Variants in DNAAF4 observed in about 807,000 individuals in gnomAD.
DNAAF4 encodes the protein dynein assembly factor 4, axonemal.
A neutral mutation model predicts 51.8 loss-of-function variants in DNAAF4; 43 were observed. That is an observed-to-expected ratio of 0.83 (90% confidence interval 0.65 to 1.07). DNAAF4 has a LOEUF of 1.07. Ranked by LOEUF, DNAAF4 falls within the 50% of genes least tolerant of loss-of-function variation. The pLI, the probability that DNAAF4 is intolerant of heterozygous loss-of-function variation, is 0.00. For synonymous variants in DNAAF4, 194 were observed against 165.6 expected, an observed-to-expected ratio of 1.17 and a Z score of -1.32; for missense variants, 581 against 493.0, an observed-to-expected ratio of 1.18 and a Z score of -1.69.
At chr15:55,480,548 C>T (rs73411010) in intron 4 of DNAAF4, among the ~76,000 whole-genome samples, 2,900 of 152,096 alleles carry the variant, frequency 0.019, 84 homozygotes, top group African/African-American at 0.063. Context: ...GCACTGCACA[C>T]TTGTTTACTT....
chr15:55,422,140 T>C (rs2057393872), intron 7 of DNAAF4, among the ~76,000 whole-genome samples: 1 of 151,990 alleles, frequency 6.6e-6, no homozygotes, highest in Non-Finnish European at 1.5e-5. Context: ...TATATATGGC[T>C]AGATGTATAG....
At chr15:55,487,684 C>T (rs1453997583) in intron 4 of DNAAF4, among the ~76,000 whole-genome samples, 1 of 151,938 alleles carries the variant, frequency 6.6e-6, no homozygotes, top group African/African-American at 2.4e-5. Context: ...GGACGCGCCA[C>T]CATTAAGAGC....
intron 3 of DNAAF4, among the ~76,000 whole-genome samples, chr15:55,496,503 G>A (rs2058643114): frequency 6.6e-6 from 1 of 152,118 alleles, no homozygotes; most frequent in Admixed American, 6.5e-5. Flanking sequence ...TATGTCAGTA[G>A]CCTCCCCTGT....
At chr15:55,500,589 C>T (rs773173151) in intron 1 of DNAAF4, among the ~76,000 whole-genome samples, 2 of 152,178 alleles carry the variant, frequency 1.3e-5, no homozygotes, top group Non-Finnish European at 2.9e-5. Flanking sequence ...TCAGGAAAAT[C>T]TGTTAGCAAT....
intron 6 of DNAAF4, among the ~76,000 whole-genome samples, chr15:55,449,055 T>C (rs2057889495): frequency 6.6e-6 from 1 of 150,872 alleles, no homozygotes; most frequent in African/African-American, 2.4e-5. Context: ...AATGGTGCAA[T>C]CTTGGCTCAT....
At chr15:55,470,521 T>G (rs1017444281) in intron 4 of DNAAF4, among the ~76,000 whole-genome samples, 2 of 150,778 alleles carry the variant, frequency 1.3e-5, no homozygotes, top group Non-Finnish European at 2.9e-5. Flanking sequence ...TTTATGGAGG[T>G]TTTATCTAGC....
chr15:55,449,785 A>G (rs1595908070), intron 6 of DNAAF4, among the ~76,000 whole-genome samples: 1 of 127,678 alleles, frequency 7.8e-6, no homozygotes, highest in Non-Finnish European at 1.6e-5. Context: ...TGCAACCTCC[A>G]CATCCCAAGT....
chr15:55,501,503 G>A (rs1310602923), intron 1 of DNAAF4, among the ~76,000 whole-genome samples: 1 of 149,834 alleles, frequency 6.7e-6, no homozygotes, highest in Non-Finnish European at 1.5e-5. Context: ...AGCCTCCCTA[G>A]TAGCTGGGAC....
chr15:55,504,841 C>A (rs1184620114), intron 1 of DNAAF4, among the ~76,000 whole-genome samples: 1 of 152,078 alleles, frequency 6.6e-6, no homozygotes, highest in Non-Finnish European at 1.5e-5. Flanking sequence ...TAGGCAATAC[C>A]ATTTAGGACA....
At chr15:55,420,649 T>G (rs2057381019) in intron 7 of DNAAF4, among the ~76,000 whole-genome samples, 1 of 152,142 alleles carries the variant, frequency 6.6e-6, no homozygotes, top group African/African-American at 2.4e-5. Context: ...AAATTAATTT[T>G]TTTCACTTCC....
chr15:55,501,218 G>A (rs1442851900), intron 1 of DNAAF4, among the ~76,000 whole-genome samples: 1 of 146,142 alleles, frequency 6.8e-6, no homozygotes, highest in African/African-American at 2.5e-5. Flanking sequence ...CATGCACCAC[G>A]AAGCCCAGCT....
At position 55,464,159 on chromosome 15, in the gene DNAAF4, A is replaced by T. The variant is rs116895692; in HGVS notation, c.637+2771T>A. Among the ~76,000 whole-genome samples, 1,313 of 152,234 alleles carry T rather than the reference A, an allele frequency of 8.6e-3. 48 individuals are homozygous for T. The highest frequency in any genetic ancestry group is 0.078 in the East Asian group (405 of 5,184). ...AGAACCCAGACATAAAGTCAAATACAGCCAACCAATCTTTGACAAAGCAAA... is the reference window on the plus strand; with the variant it reads ...AGAACCCAGACATAAAGTCAAATACTGCCAACCAATCTTTGACAAAGCAAA... On this transcript the variant is annotated intron_variant, in intron 5 of 9. Coordinates refer to ENST00000321149, the MANE Select transcript of DNAAF4 (RefSeq NM_130810.4).
intron 4 of DNAAF4, among the ~76,000 whole-genome samples, chr15:55,481,052 G>A (rs1220073684): frequency 6.6e-6 from 1 of 152,134 alleles, no homozygotes; most frequent in Non-Finnish European, 1.5e-5. Context: ...CTGCCACCCT[G>A]TTAAGAGGTG....
At chr15:55,465,355 T>A (rs1480968287) in intron 5 of DNAAF4, among the ~76,000 whole-genome samples, 1 of 150,590 alleles carries the variant, frequency 6.6e-6, no homozygotes, top group Non-Finnish European at 1.5e-5. Flanking sequence ...TAAATGCCTA[T>A]CAACTAATGA....
intron 4 of DNAAF4, among the ~76,000 whole-genome samples, chr15:55,479,573 TCTGA>T (rs199546176): frequency 0.015 from 2,273 of 152,170 alleles, 42 homozygotes; most frequent in African/African-American, 0.044. Context: ...AACCATAAGG[TCTGA>T]CTGTCTGTGG....
chr15:55,419,918 A>G (rs1226585618), intron 7 of DNAAF4, among the ~76,000 whole-genome samples: 1 of 151,978 alleles, frequency 6.6e-6, no homozygotes, highest in Non-Finnish European at 1.5e-5. Flanking sequence ...CAGGAGAATC[A>G]CTTGAACCTG....
At chr15:55,468,202 G>A (rs931459919) in intron 4 of DNAAF4, among the ~76,000 whole-genome samples, 1 of 152,144 alleles carries the variant, frequency 6.6e-6, no homozygotes, top group Non-Finnish European at 1.5e-5. Flanking sequence ...CTAGGATGAA[G>A]GTCCCTAAAT....
At chr15:55,473,369 G>GTATATATATATA (rs372477096) in intron 4 of DNAAF4, among the ~76,000 whole-genome samples, 7 of 130,916 alleles carry the variant, frequency 5.3e-5, no homozygotes, top group Admixed American at 2.3e-4. Flanking sequence ...ATGTGTGTGT[G>GTATATATATATA]TATATATATA....
chr15:55,506,912 G>T (rs1485527006), intron 1 of DNAAF4, among the ~76,000 whole-genome samples: 2 of 151,896 alleles, frequency 1.3e-5, no homozygotes, highest in African/African-American at 4.8e-5. Context: ...GTGCAATGGG[G>T]CATCTTGGCT....
Sources: allele counts gnomAD v4.1 joint callset (sites outside exome capture counted in the v4.1 genomes callset), GRCh38; gene constraint gnomAD v4.1.1; transcripts MANE v1.5; gene names NCBI Gene and HGNC (gene_info 2026-07-23, HGNC 2026-07-21).